SCYL3: variants seen among roughly 807,000 people sequenced by gnomAD.
The protein encoded by SCYL3 is SCY1 like pseudokinase 3.
SCYL3 carries 35 observed loss-of-function variants against 73.8 expected under a neutral mutation model. That is an observed-to-expected ratio of 0.47 (90% CI 0.36 to 0.63). The LOEUF is 0.63. Among genes scored for constraint, SCYL3 ranks in the 20% least tolerant of loss-of-function variants. The pLI is 0.00. For synonymous variants in SCYL3, 277 were observed against 295.2 expected (o/e 0.94, Z 0.63); for missense variants, 712 against 798.9 (o/e 0.89, Z 1.31).
intron 11 of SCYL3, among the ~76,000 whole-genome samples, chr1:169,857,348 AATCTATGC>A (rs1659262066): frequency 6.6e-6 from 1 of 152,232 alleles, no homozygotes; most frequent in African/African-American, 2.4e-5. Flanking sequence ...ATTTAAATAT[AATCTATGC>A]ATATCATCCC....
chr1:169,868,452 T>C (rs1660185903), intron 7 of SCYL3, among the ~76,000 whole-genome samples: 1 of 152,220 alleles, frequency 6.6e-6, no homozygotes, highest in Non-Finnish European at 1.5e-5. Context: ...TATTGTGCCC[T>C]TGCCTCTAAA....
At chr1:169,854,051 TAAAA>T in intron 12 of SCYL3, 1 of 566,168 alleles carries the variant, frequency 1.8e-6, no homozygotes, top group Non-Finnish European at 3.0e-6. Flanking sequence ...CTTTTTCAAA[TAAAA>T]AGGTTACAAT....
At position 169,851,051 on chromosome 1, in the gene SCYL3, T is replaced by TTTTTG. The variant is rs1658220657; in HGVS notation, c.*2661_*2662insCAAAA. ...CCAGGGTAAGCTCAGGGCCCTTTTT[T>TTTTTG]TTTTTTTTTTTTTTTTTTTTTTGGC... On this transcript the variant is annotated 3_prime_UTR_variant, in exon 13 of 13. Coordinates refer to ENST00000367771, the MANE Select transcript of SCYL3 (RefSeq NM_020423.7). 1 of 70,864 alleles carries TTTTTG rather than the reference T, an allele frequency of 1.4e-5. No individual in the cohort carries two copies. Among genetic ancestry groups the TTTTTG allele is most frequent in the Non-Finnish European group, 2.5e-5 (1 of 40,094 alleles). 4.4% of individuals were successfully genotyped at this position (70,864 alleles called of 1,614,324 possible).
At position 169,850,426 on chromosome 1, in the gene SCYL3, G is replaced by C; in HGVS notation, c.*3287C>G. 2.2e-6 allele frequency: 2 copies of C among 923,858 alleles called. No homozygotes were observed. The highest frequency in any genetic ancestry group is 3.4e-6 in the Non-Finnish European group (2 of 590,916). The allele number at this position is 923,858 out of a possible 1,614,324, so 57.2% of individuals were successfully genotyped here. A position where few individuals can be genotyped will look rare whatever the true frequency, so the allele number is the denominator to read the frequency against. Reference sequence around the variant, plus strand: ...AATTATGTAACTGTAACCAACCTGAGTGTCTTCTTAGCTTAAACTTTTCAC... The same window carrying C: ...AATTATGTAACTGTAACCAACCTGACTGTCTTCTTAGCTTAAACTTTTCAC... On this transcript the variant is annotated 3_prime_UTR_variant, in exon 13 of 13. Coordinates refer to ENST00000367771, the MANE Select transcript of SCYL3 (RefSeq NM_020423.7).
At chr1:169,879,630 C>T (rs982974947) in intron 2 of SCYL3, among the ~76,000 whole-genome samples, 3 of 152,154 alleles carry the variant, frequency 2.0e-5, no homozygotes, top group South Asian at 2.1e-4. Context: ...TATGTGACAT[C>T]GTATTCAAAA....
rs1476033417 is a variant in SCYL3 at position 169,854,635 on chromosome 1, T to A, written c.1642A>T (p.Ile548Phe). 1 of 1,613,964 alleles carries A rather than the reference T, an allele frequency of 6.2e-7. No individual in the cohort carries two copies. Among genetic ancestry groups the A allele is most frequent in the Non-Finnish European group, 8.5e-7 (1 of 1,179,984 alleles). Residue 548 changes from isoleucine (I) to phenylalanine (F), a missense_variant, in exon 12 of 13, where the codon ATT (isoleucine) becomes TTT (phenylalanine). Physicochemically the swap from Ile to Phe is conservative, Grantham distance 21. Coordinates refer to ENST00000367771, the MANE Select transcript of SCYL3 (RefSeq NM_020423.7). ...KPVTSGEQKP[I>F]PALLSLTEES... ...TCAGTGAGTGAAAGCAAAGCAGGAA[T>A]AGGCTTCTGCTCCCCTGAGGTAACA...
At position 169,888,819 on chromosome 1, in the gene SCYL3, A is replaced by C; in HGVS notation, c.22T>G (p.Leu8Val). 6.2e-7 allele frequency: 1 copy of C among 1,613,080 alleles called. No homozygotes were observed. Among genetic ancestry groups the C allele is most frequent in the South Asian group, 1.1e-5 (1 of 90,796 alleles). Residue 8 changes from leucine (L) to valine (V), a missense_variant, in exon 2 of 13, where the codon TTA becomes GTA. This residue lies in a region of SCYL3 where 342 missense variants were observed against 448.1 expected (regional missense o/e 0.76). Transcript: ENST00000367771. MGSENSA[L>V]KSYTLREPPF... is the part of the protein sequence containing the mutation. The stretch of plus-strand genomic sequence containing the variant: ...GGTTCTCTCAGTGTATAGCTCTTTA[A>C]AGCACTGTTCTCTGATCCCATCCCT...
intron 2 of SCYL3, among the ~76,000 whole-genome samples, chr1:169,883,558 T>C (rs1308334689): frequency 2.0e-5 from 3 of 152,134 alleles, no homozygotes; most frequent in African/African-American, 7.2e-5. Flanking sequence ...AAATAAGCAG[T>C]GAATACTGAA....
chr1:169,884,342 G>C (rs1038666126), intron 2 of SCYL3, among the ~76,000 whole-genome samples: 4 of 152,068 alleles, frequency 2.6e-5, no homozygotes, highest in Non-Finnish European at 2.9e-5. Flanking sequence ...TTGTTACCCA[G>C]GCTGGAGTGC....
chr1:169,865,183 C>G (rs1384305370), intron 8 of SCYL3, among the ~76,000 whole-genome samples: 1 of 152,062 alleles, frequency 6.6e-6, no homozygotes, highest in East Asian at 1.9e-4. Context: ...AAAACATAGG[C>G]TTTTGTCACT....
At chr1:169,873,963 G>C (rs1270693089) in intron 4 of SCYL3, among the ~76,000 whole-genome samples, 1 of 152,116 alleles carries the variant, frequency 6.6e-6, no homozygotes, top group Non-Finnish European at 1.5e-5. Context: ...AGTAATAAAT[G>C]GTAGTTCCTT....
rs1302050761 is a variant in SCYL3, at chr1:169,875,895, T to C, written c.465+83A>G. 4 of 735,434 alleles carry C rather than the reference T, an allele frequency of 5.4e-6. No homozygotes were observed. The African/African-American group carries it at 7.4e-5, about 14-fold the overall frequency. The allele number at this position is 735,434 out of a possible 1,614,324, so 45.6% of individuals were successfully genotyped here. ...TCCAAATCTAAGACCAAGCTAACACTGAAGGAAAGTGCCTAGGCAAGAACC... is the reference window on the plus strand; with the variant it reads ...TCCAAATCTAAGACCAAGCTAACACCGAAGGAAAGTGCCTAGGCAAGAACC... On this transcript the variant is annotated intron_variant, in intron 4 of 12. Coordinates refer to ENST00000367771, the MANE Select transcript of SCYL3 (RefSeq NM_020423.7).
Position 169,878,827 on chromosome 1 carries a change from A to G in SCYL3, c.166-8T>C, listed in dbSNP as rs757877915. On this transcript the variant is annotated splice_region_variant and splice_polypyrimidine_tract_variant and intron_variant, in intron 2 of 12. Coordinates refer to ENST00000367771, the MANE Select transcript of SCYL3 (RefSeq NM_020423.7). ...ACGAAGTGTCTTCAAATGCTTTAAA[A>G]ATACAAACCGAAGAGCTGAAGTTAA... The G allele has an allele frequency of 1.6e-5, 26 of 1,602,230 alleles. No individual in the cohort carries two copies. Among genetic ancestry groups the G allele is most frequent in the Non-Finnish European group, 2.0e-5 (24 of 1,175,176 alleles).
Position 169,864,504 on chromosome 1 carries a change from G to A in SCYL3, c.820C>T (p.Leu274=). The part of the protein sequence containing the change: ...EEEKTEFFKF[L]LDRVSCLSEE... ...GACAAGCAGCTGACTCTGTCCAGCA[G>A]AAATCTGAGGACAAAAAGGGAAAGC... Residue 274 remains leucine (L), a synonymous_variant, in exon 9 of 13, where the codon CTG becomes TTG. Transcript: ENST00000367771. The A allele has an allele frequency of 1.3e-6, 2 of 1,588,382 alleles. No individual in the cohort carries two copies. The highest frequency in any genetic ancestry group is 1.9e-5 in the Admixed American group (1 of 53,106).
chr1:169,855,017 A>C, intron 11 of SCYL3, 53 bp from the exon 12 acceptor site: 3 of 1,286,280 alleles, frequency 2.3e-6, no homozygotes, highest in Non-Finnish European at 2.2e-6. Flanking sequence ...TAAGAACTAC[A>C]CTTATGGGAA....
At position 169,851,990 on chromosome 1, in the gene SCYL3, T is replaced by TTTAC; in HGVS notation, c.*1719_*1722dup. 6.2e-7 allele frequency: 1 copy of TTTAC among 1,612,826 alleles called. No individual in the cohort carries two copies. The highest frequency in any genetic ancestry group is 8.5e-7 in the Non-Finnish European group (1 of 1,179,372). ...CTTTAACAAGGCAAATTCTGCCCTT[T>TTTAC]TTACTTACTGACGAAACAAACCAGT... On this transcript the variant is annotated 3_prime_UTR_variant, in exon 13 of 13. Coordinates refer to ENST00000367771, the MANE Select transcript of SCYL3 (RefSeq NM_020423.7).
At chr1:169,864,647 A>C (rs1182524651) in intron 8 of SCYL3, 139 bp from the exon 9 acceptor site, 5 of 897,704 alleles carry the variant, frequency 5.6e-6, no homozygotes, top group African/African-American at 1.7e-5. Flanking sequence ...AGGTGAACAG[A>C]TTGGTCCCCA....
chr1:169,878,134 T>C (rs1331691718), intron 3 of SCYL3, among the ~76,000 whole-genome samples: 2 of 152,152 alleles, frequency 1.3e-5, no homozygotes, highest in Admixed American at 1.3e-4. Context: ...CACCACAGAA[T>C]GTTAAGAGGC....
upstream of SCYL3, chr1:169,894,157 C>G (rs1464096992): frequency 6.6e-6 from 1 of 152,248 alleles, no homozygotes; most frequent in South Asian, 2.1e-4. Context: ...TGGTCGAATG[C>G]TTAAGTTTGT....
Sources: allele counts gnomAD v4.1 joint callset (sites outside exome capture counted in the v4.1 genomes callset), GRCh38; gene constraint gnomAD v4.1.1; regional missense constraint gnomAD v4.1.1; transcripts MANE v1.5; gene names NCBI Gene and HGNC (gene_info 2026-07-23, HGNC 2026-07-21).